The following CLASP1 variants were observed in gnomAD, a reference collection of about 807,000 sequenced individuals.
The protein encoded by CLASP1 is CLIP-associating protein 1.
In CLASP1, 38 loss-of-function variants were observed where a neutral mutation model predicts 192.3. The ratio of observed to expected loss-of-function variants is 0.20; its 90% CI spans 0.15 to 0.26. The LOEUF is 0.26. CLASP1 is among the 10% of genes least tolerant of loss of function. The pLI is 1.00. For synonymous variants in CLASP1, 691 were observed against 712.8 expected, an observed-to-expected ratio of 0.97 and a Z score of 0.49; for missense variants, 1,433 against 1,932.5, an observed-to-expected ratio of 0.74 and a Z score of 4.85.
At chr2:121,409,152 C>A in intron 24 of CLASP1, 1 of 885,336 alleles carries the variant, frequency 1.1e-6, no homozygotes, top group Non-Finnish European at 1.8e-6. Flanking sequence ...CAAAACATAT[C>A]TTAGCAAACC....
At chr2:121,544,907 C>CTTTTTT (rs3078562) in intron 2 of CLASP1, among the ~76,000 whole-genome samples, 5 of 122,884 alleles carry the variant, frequency 4.1e-5, no homozygotes, top group Non-Finnish European at 7.1e-5. Context: ...CTTTTCTTTT[C>CTTTTTT]TTTTTTTTTT....
rs190822184 is a variant in CLASP1 at position 121,575,958 on chromosome 2, G to A, written c.195+29743C>T. ...CACCCCCAACTAAAAAATGACTTACGTAGCTAAGAGCATGACACAGGCCAA... is the reference window on the plus strand; with the variant it reads ...CACCCCCAACTAAAAAATGACTTACATAGCTAAGAGCATGACACAGGCCAA... On this transcript the variant is annotated intron_variant, in intron 2 of 39. Transcript: ENST00000263710. Among the ~76,000 whole-genome samples, 316 of 152,256 alleles carry A rather than the reference G, an allele frequency of 2.1e-3. 1 individual carries two copies. The highest frequency in any genetic ancestry group is 6.0e-3 in the African/African-American group (249 of 41,548).
chr2:121,444,781 AC>A, intron 19 of CLASP1, among the ~76,000 whole-genome samples: 1 of 152,106 alleles, frequency 6.6e-6, no homozygotes, highest in Non-Finnish European at 1.5e-5. Flanking sequence ...TAGGGCAAAA[AC>A]CCAATGGCGA....
At chr2:121,524,121 C>T (rs1198016866) in intron 6 of CLASP1, among the ~76,000 whole-genome samples, 4 of 152,172 alleles carry the variant, frequency 2.6e-5, no homozygotes, top group Non-Finnish European at 4.4e-5. Flanking sequence ...TGAAGATCTC[C>T]ACAGGCAGTG....
At chr2:121,421,629 G>A (rs920237286) in intron 22 of CLASP1, among the ~76,000 whole-genome samples, 12 of 152,074 alleles carry the variant, frequency 7.9e-5, no homozygotes, top group South Asian at 6.2e-4. Flanking sequence ...TGCAACCTCC[G>A]CCTTCCAGGT....
intron 20 of CLASP1, 149 bp downstream of exon 20, chr2:121,429,924 A>G: frequency 1.6e-6 from 1 of 607,392 alleles, no homozygotes; most frequent in East Asian, 2.8e-5. Context: ...AGCTTACCCA[A>G]CAAACAGTAA....
At chr2:121,438,682 A>T (rs894436015) in intron 19 of CLASP1, among the ~76,000 whole-genome samples, 6 of 152,096 alleles carry the variant, frequency 3.9e-5, no homozygotes, top group African/African-American at 1.4e-4. Context: ...GATGAAGCCC[A>T]CTTGATCATG....
chr2:121,442,533 A>G (rs931605386), intron 19 of CLASP1, among the ~76,000 whole-genome samples: 13 of 151,096 alleles, frequency 8.6e-5, no homozygotes, highest in African/African-American at 2.9e-4. Context: ...CTGGAGTGCA[A>G]TGAAGGCATA....
intron 22 of CLASP1, among the ~76,000 whole-genome samples, chr2:121,422,823 C>T (rs979279040): frequency 5.3e-5 from 8 of 152,104 alleles, no homozygotes; most frequent in East Asian, 1.9e-4. Context: ...TAGATAACTA[C>T]GATTAATTCT....
exon 40 of CLASP1, chr2:121,340,939 T>C (rs2062703811): frequency 2.5e-6 from 4 of 1,601,894 alleles, no homozygotes; most frequent in East Asian, 2.2e-5. Flanking sequence ...ATAAGTTTAG[T>C]AGCTTCATCT....
At chr2:121,478,698 A>C (rs1230660740) in intron 8 of CLASP1, among the ~76,000 whole-genome samples, 3 of 33,462 alleles carry the variant, frequency 9.0e-5, no homozygotes, top group Admixed American at 3.6e-4. Context: ...CACACACACA[A>C]CCACACCCCA....
intron 8 of CLASP1, among the ~76,000 whole-genome samples, chr2:121,481,334 T>A (rs1281566152): frequency 2.0e-5 from 3 of 151,514 alleles, no homozygotes; most frequent in African/African-American, 7.3e-5. Context: ...AAAAAAAAAA[T>A]GTATGGACAT....
chr2:121,469,983 AACGTTTTTTTAAAAACAAAAACTATAT>A (rs1225443350), intron 8 of CLASP1, 23 bp from the exon 9 acceptor site: 15 of 1,585,702 alleles, frequency 9.5e-6, no homozygotes, highest in Non-Finnish European at 1.3e-5. Context: ...CACAGAAACC[AACGTTTTTTTAAAAACAAAAACTATAT>A]ATACATATAT....
At chr2:121,471,488 A>C (rs2090723921) in intron 8 of CLASP1, among the ~76,000 whole-genome samples, 1 of 152,082 alleles carries the variant, frequency 6.6e-6, no homozygotes, top group Non-Finnish European at 1.5e-5. Context: ...GTTCTTTACC[A>C]ATAAGTTTGA....
chr2:121,400,102 A>C (rs1403986258), intron 28 of CLASP1, among the ~76,000 whole-genome samples: 2 of 152,206 alleles, frequency 1.3e-5, no homozygotes, highest in African/African-American at 4.8e-5. Flanking sequence ...CACTGGTATA[A>C]TGGTGTACTG....
intron 8 of CLASP1, among the ~76,000 whole-genome samples, chr2:121,471,787 T>C (rs2090778720): frequency 6.6e-6 from 1 of 152,204 alleles, no homozygotes; most frequent in South Asian, 2.1e-4. Context: ...TGTTTCAAGA[T>C]GGTTCTTTCA....
intron 34 of CLASP1, among the ~76,000 whole-genome samples, chr2:121,371,115 C>T (rs1226916162): frequency 2.0e-5 from 3 of 152,158 alleles, no homozygotes; most frequent in Non-Finnish European, 4.4e-5. Flanking sequence ...GAAAAATACA[C>T]CCTATAGTGT....
At chr2:121,351,290 T>G (rs1250469819) in intron 37 of CLASP1, among the ~76,000 whole-genome samples, 1 of 152,198 alleles carries the variant, frequency 6.6e-6, no homozygotes, top group Non-Finnish European at 1.5e-5. Context: ...AGTGACACTT[T>G]TCCCCCAACT....
chr2:121,445,200 C>T (rs1165313407), intron 19 of CLASP1, among the ~76,000 whole-genome samples: 2 of 152,122 alleles, frequency 1.3e-5, no homozygotes, highest in African/African-American at 4.8e-5. Flanking sequence ...AAAACACAGA[C>T]GGGCAACCCA....
Sources: allele counts gnomAD v4.1 joint callset (sites outside exome capture counted in the v4.1 genomes callset), GRCh38; gene constraint gnomAD v4.1.1; transcripts MANE v1.5; gene names NCBI Gene and HGNC (gene_info 2026-07-23, HGNC 2026-07-21).